The following MBNL2 variants were observed in gnomAD, a reference collection of about 807,000 sequenced individuals.
The protein encoded by MBNL2 is muscleblind like splicing regulator 2.
In MBNL2, 17 loss-of-function variants were observed where a neutral mutation model predicts 41.9. That is an observed-to-expected ratio of 0.41 (90% CI 0.28 to 0.61). MBNL2 has a LOEUF of 0.61. Ranked by LOEUF, MBNL2 falls within the 20% of genes least tolerant of loss-of-function variation. MBNL2 has a pLI of 0.35. For synonymous variants in MBNL2, 195 were observed against 182.9 expected (o/e 1.07, Z -0.53); for missense variants, 336 against 505.6 (o/e 0.66, Z 3.22).
At chr13:97,190,149 C>G in the MBNL2 span, among the ~76,000 whole-genome samples, 2 of 152,374 alleles carry the variant, frequency 1.3e-5, no homozygotes, top group South Asian at 4.1e-4. Flanking sequence ...CCAGCCACAG[C>G]AGGTGACAGG....
the MBNL2 span, among the ~76,000 whole-genome samples, chr13:97,164,116 C>G: frequency 6.6e-6 from 1 of 152,224 alleles, no homozygotes; most frequent in Non-Finnish European, 1.5e-5. Context: ...AGGTGATCCT[C>G]CCACCTCAGC....
chr13:97,270,032 A>G (rs2152912107), intron 1 of MBNL2, among the ~76,000 whole-genome samples: 1 of 152,324 alleles, frequency 6.6e-6, no homozygotes, highest in East Asian at 1.9e-4. Flanking sequence ...TATTATCGAC[A>G]TTTAGATGAA....
intron 2 of MBNL2, among the ~76,000 whole-genome samples, chr13:97,282,050 C>CAAA (rs35288409): frequency 6.8e-6 from 1 of 146,180 alleles, no homozygotes. Flanking sequence ...TGTTGAGGTC[C>CAAA]AAAAAAAAAA....
chr13:97,155,463 G>A, the MBNL2 span, among the ~76,000 whole-genome samples: 8 of 146,822 alleles, frequency 5.4e-5, no homozygotes, highest in African/African-American at 7.6e-5. Flanking sequence ...AGTTACATAC[G>A]TATACATGTG....
rs141541280 is a variant in MBNL2, at chr13:97,303,568, G to A, written c.174+27159G>A. On this transcript the variant is annotated intron_variant, in intron 2 of 8. Coordinates refer to ENST00000679496, the MANE Select transcript of MBNL2 (RefSeq NM_001382683.1). ...GGCTGCACCAGTGATATTTTGGATC[G>A]TTTCAAATTTATTAAGAATATATTA... 8.3e-3 allele frequency among the ~76,000 whole-genome samples: 1,259 copies of A among 152,284 alleles called. 19 individuals are homozygous for A. The highest frequency in any genetic ancestry group is 0.029 in the African/African-American group (1,207 of 41,562).
At chr13:97,190,441 C>T in the MBNL2 span, among the ~76,000 whole-genome samples, 5 of 152,122 alleles carry the variant, frequency 3.3e-5, no homozygotes, top group Admixed American at 3.3e-4. Flanking sequence ...AACATGAGAT[C>T]GGAAGAGGTA....
chr13:97,149,006 T>G, the MBNL2 span, among the ~76,000 whole-genome samples: 1 of 152,222 alleles, frequency 6.6e-6, no homozygotes, highest in African/African-American at 2.4e-5. Context: ...TTGGGGACTT[T>G]CCACGCAATA....
At chr13:97,178,149 T>TG in the MBNL2 span, among the ~76,000 whole-genome samples, 1 of 151,982 alleles carries the variant, frequency 6.6e-6, no homozygotes, top group Non-Finnish European at 1.5e-5. Flanking sequence ...GCAAAGAAAA[T>TG]GCGAGGAACA....
chr13:97,321,048 C>T (rs1395396450), intron 2 of MBNL2, among the ~76,000 whole-genome samples: 1 of 152,154 alleles, frequency 6.6e-6, no homozygotes, highest in East Asian at 1.9e-4. Flanking sequence ...ACCCTAATGT[C>T]CTCCCTGTAA....
At chr13:97,232,851 A>ATGTGTGTG (rs34769353) in intron 1 of MBNL2, among the ~76,000 whole-genome samples, 2,532 of 130,520 alleles carry the variant, frequency 0.019, 86 homozygotes, top group African/African-American at 0.07. Context: ...TCTTGACGCT[A>ATGTGTGTG]TGTGTGTGTG....
At chr13:97,335,621 A>G (rs1300289000) in intron 3 of MBNL2, among the ~76,000 whole-genome samples, 1 of 152,140 alleles carries the variant, frequency 6.6e-6, no homozygotes, top group Non-Finnish European at 1.5e-5. Context: ...TCCAAGATAA[A>G]TAAGATACAG....
chr13:97,347,508 G>T (rs572320895), intron 5 of MBNL2, among the ~76,000 whole-genome samples: 1 of 152,188 alleles, frequency 6.6e-6, no homozygotes, highest in South Asian at 2.1e-4. Flanking sequence ...CCTAAGAGAA[G>T]CCCAGAGAGT....
chr13:97,384,728 A>G (rs1193803177), intron 8 of MBNL2, among the ~76,000 whole-genome samples: 1 of 152,162 alleles, frequency 6.6e-6, no homozygotes, highest in Non-Finnish European at 1.5e-5. Flanking sequence ...TTTTTAAATT[A>G]ATAATAAATT....
At chr13:97,385,057 T>A (rs527246285) in intron 8 of MBNL2, among the ~76,000 whole-genome samples, 1 of 152,338 alleles carries the variant, frequency 6.6e-6, no homozygotes, top group South Asian at 2.1e-4. Context: ...GGGTTCTTTT[T>A]CTGCCCCATT....
At chr13:97,332,098 C>A (rs7338689) in intron 2 of MBNL2, among the ~76,000 whole-genome samples, 1 of 152,044 alleles carries the variant, frequency 6.6e-6, no homozygotes, top group South Asian at 2.1e-4. Context: ...TCCTCATTTT[C>A]TGGAATTCTG....
intron 3 of MBNL2, among the ~76,000 whole-genome samples, chr13:97,338,354 C>T (rs556041765): frequency 2.6e-5 from 4 of 152,300 alleles, no homozygotes; most frequent in East Asian, 3.9e-4. Flanking sequence ...TCTCTACCAG[C>T]GAGCCCTCCT....
chr13:97,342,724 G>T (rs2061533143), intron 3 of MBNL2, among the ~76,000 whole-genome samples: 1 of 152,188 alleles, frequency 6.6e-6, no homozygotes, highest in Non-Finnish European at 1.5e-5. Flanking sequence ...AGTTTGGAAT[G>T]TTGAGTAATT....
the MBNL2 span, among the ~76,000 whole-genome samples, chr13:97,168,794 A>C: frequency 5.3e-5 from 8 of 152,242 alleles, no homozygotes; most frequent in Admixed American, 5.2e-4. Flanking sequence ...CTGCCAAGTC[A>C]TGTTTTACAG....
At chr13:97,281,322 GTCAGTATC>G (rs1401539793) in intron 2 of MBNL2, among the ~76,000 whole-genome samples, 1 of 152,178 alleles carries the variant, frequency 6.6e-6, no homozygotes, top group Non-Finnish European at 1.5e-5. Flanking sequence ...TTGCCCTGGT[GTCAGTATC>G]TCAGTAGATT....
Sources: gnomAD v4.1 joint callset for allele counts (sites outside exome capture counted in the v4.1 genomes callset) on GRCh38, gnomAD v4.1.1 for gene constraint, MANE v1.5 for transcripts, NCBI Gene and HGNC (gene_info 2026-07-23, HGNC 2026-07-21) for gene names.